ZDHHC14: variants seen among roughly 807,000 people sequenced by gnomAD.
The protein encoded by ZDHHC14 is zDHHC palmitoyltransferase 14, also known as palmitoyltransferase ZDHHC14.
ZDHHC14 carries 16 observed loss-of-function variants against 47.7 expected under a neutral mutation model. The observed-to-expected ratio is 0.34, with a 90% CI of 0.23 to 0.51. The LOEUF (loss-of-function observed/expected upper bound fraction) is 0.51. ZDHHC14 is among the 20% of genes least tolerant of loss of function. ZDHHC14 has a pLI of 0.97. For missense variants in ZDHHC14, 515 were observed against 662.5 expected, an observed-to-expected ratio of 0.78 and a Z score of 2.44; for synonymous variants, 293 against 278.9, an observed-to-expected ratio of 1.05 and a Z score of -0.50.
intron 3 of ZDHHC14, among the ~76,000 whole-genome samples, chr6:157,604,447 G>A (rs931573226): frequency 2.6e-5 from 4 of 152,176 alleles, no homozygotes; most frequent in African/African-American, 4.8e-5. Context: ...CCTTGGATAC[G>A]GAGGGATGAC....
At chr6:157,454,726 T>C (rs1314144482) in intron 1 of ZDHHC14, among the ~76,000 whole-genome samples, 2 of 152,142 alleles carry the variant, frequency 1.3e-5, no homozygotes, top group Non-Finnish European at 2.9e-5. Context: ...ATATAAATGC[T>C]CTAATTTTTC....
In ZDHHC14 at chr6:157,523,494, A is replaced by T. The variant is rs143762933; in HGVS notation, c.246-19091A>T. On this transcript the variant is annotated intron_variant, in intron 1 of 8. Transcript: ENST00000359775. ...CTGCTTTGCAAACTCCACCACACAG[A>T]CTTGCGGATTTCTTCTTTCTTTATG... Among the ~76,000 whole-genome samples the T allele has an allele frequency of 3.5e-3, 535 of 152,272 alleles. 1 individual carries two copies. The highest frequency in any genetic ancestry group is 5.8e-3 in the Non-Finnish European group (397 of 68,016).
intron 5 of ZDHHC14, among the ~76,000 whole-genome samples, chr6:157,642,293 G>GT (rs1296328055): frequency 7.2e-5 from 11 of 152,048 alleles, no homozygotes; most frequent in Non-Finnish European, 1.3e-4. Context: ...CTTCCCTTAC[G>GT]TACCTTCCTG....
Position 157,677,814 on chromosome 6 carries a change from G to C in ZDHHC14, c.*4692G>C, listed in dbSNP as rs1778993973. ...CATGTCCAAGGAGACATGCTTTCTG[G>C]GTTCTATATGAATAGAGATGGTTTT... On this transcript the variant is annotated 3_prime_UTR_variant, in exon 9 of 9. Transcript: ENST00000359775. 6.6e-6 allele frequency: 1 copy of C among 151,034 alleles called. No individual in the cohort carries two copies. Among genetic ancestry groups the C allele is most frequent in the African/African-American group, 2.4e-5 (1 of 40,926 alleles). 9.4% of individuals were successfully genotyped at this position (151,034 alleles called of 1,614,324 possible).
At chr6:157,662,301 A>AC (rs201091571) in intron 8 of ZDHHC14, among the ~76,000 whole-genome samples, 3,094 of 151,778 alleles carry the variant, frequency 0.02, 51 homozygotes, top group Non-Finnish European at 0.03. Context: ...CCTGCCTCAG[A>AC]CCCCCACATG....
At chr6:157,603,656 T>G (rs1280356020) in intron 3 of ZDHHC14, among the ~76,000 whole-genome samples, 2 of 152,176 alleles carry the variant, frequency 1.3e-5, no homozygotes, top group Non-Finnish European at 2.9e-5. Flanking sequence ...GCAGCATTTC[T>G]TTTTCTCGTG....
At chr6:157,652,298 AG>A (rs1159226839) in intron 7 of ZDHHC14, among the ~76,000 whole-genome samples, 1 of 152,174 alleles carries the variant, frequency 6.6e-6, no homozygotes, top group East Asian at 1.9e-4. Context: ...ACTGACACGT[AG>A]GAGGCCCTGC....
intron 1 of ZDHHC14, among the ~76,000 whole-genome samples, chr6:157,492,833 G>A (rs927746622): frequency 6.6e-6 from 1 of 152,170 alleles, no homozygotes; most frequent in Non-Finnish European, 1.5e-5. Context: ...CAGATGGGAG[G>A]AGGGGTGCTT....
intron 3 of ZDHHC14, among the ~76,000 whole-genome samples, chr6:157,606,267 C>T (rs1370836815): frequency 3.9e-5 from 6 of 152,006 alleles, no homozygotes; most frequent in African/African-American, 1.4e-4. Context: ...GAGTTTGAGA[C>T]TAGCCATGGC....
At chr6:157,392,352 G>T (rs1043873947) in intron 1 of ZDHHC14, among the ~76,000 whole-genome samples, 1 of 152,038 alleles carries the variant, frequency 6.6e-6, no homozygotes, top group African/African-American at 2.4e-5. Flanking sequence ...GATTTTAAAA[G>T]AAAGTTAATT....
At chr6:157,488,817 C>T (rs909512821) in intron 1 of ZDHHC14, among the ~76,000 whole-genome samples, 3 of 152,228 alleles carry the variant, frequency 2.0e-5, no homozygotes, top group Non-Finnish European at 4.4e-5. Flanking sequence ...ATCTGCCAGG[C>T]GCAGGGCACC....
intron 7 of ZDHHC14, among the ~76,000 whole-genome samples, chr6:157,650,896 T>G (rs551352221): frequency 2.4e-4 from 36 of 152,184 alleles, no homozygotes; most frequent in African/African-American, 7.2e-4. Flanking sequence ...AGGGGGTCGG[T>G]GCTTTTGGTC....
At chr6:157,492,726 A>G (rs1338958855) in intron 1 of ZDHHC14, among the ~76,000 whole-genome samples, 2 of 152,206 alleles carry the variant, frequency 1.3e-5, no homozygotes, top group African/African-American at 4.8e-5. Flanking sequence ...TGGGACAGGT[A>G]GGTGCTGAGA....
intron 1 of ZDHHC14, among the ~76,000 whole-genome samples, chr6:157,430,432 G>A (rs1464725714): frequency 6.6e-6 from 1 of 151,970 alleles, no homozygotes; most frequent in Non-Finnish European, 1.5e-5. Context: ...CTTCCTGGAG[G>A]CCCCAGAGAG....
chr6:157,573,962 G>A (rs1056166350), intron 2 of ZDHHC14, among the ~76,000 whole-genome samples: 3 of 150,328 alleles, frequency 2.0e-5, no homozygotes, highest in South Asian at 2.1e-4. Context: ...CCTCGGGGTC[G>A]GGGGGGAAGT....
rs567177867 is a variant in ZDHHC14 at position 157,555,638 on chromosome 6, CT to C, written c.406+12894del. 3.3e-5 allele frequency among the ~76,000 whole-genome samples: 5 copies of C among 152,172 alleles called. No homozygotes were observed. The South Asian group carries it at 1.0e-3, about 32-fold the overall frequency. ...AGGGCTAGCACGCACAGTGCAACCC[CT>C]GATAGCTTCTTTTTTTTAAACAGAG... On this transcript the variant is annotated intron_variant, in intron 2 of 8. Coordinates refer to ENST00000359775, the MANE Select transcript of ZDHHC14 (RefSeq NM_024630.3).
At position 157,673,529 on chromosome 6, in the gene ZDHHC14, T is replaced by TAA. The variant is rs376797747; in HGVS notation, c.*420_*421dup. ...CAGACCTGCCATTCCATTTGTTAAT[T>TAA]AAAAAAAAAAAAAATCCTAAAGGGA... On this transcript the variant is annotated 3_prime_UTR_variant, in exon 9 of 9. Coordinates refer to ENST00000359775, the MANE Select transcript of ZDHHC14 (RefSeq NM_024630.3). This position sits in a 1 kb window ranked among gnomAD's most constrained non-coding sequence, Gnocchi z 5.4. The TAA allele has an allele frequency of 4.9e-4, 76 of 154,056 alleles. No homozygotes were observed. Among genetic ancestry groups the TAA allele is most frequent in the African/African-American group, 1.9e-3 (74 of 39,776 alleles). 9.5% of individuals were successfully genotyped at this position (154,056 alleles called of 1,614,324 possible).
At chr6:157,416,071 C>T (rs551550501) in intron 1 of ZDHHC14, among the ~76,000 whole-genome samples, 6 of 152,258 alleles carry the variant, frequency 3.9e-5, no homozygotes, top group African/African-American at 1.2e-4. Flanking sequence ...CCAAGCATCA[C>T]GGGCAACTCT....
chr6:157,579,200 T>G (rs1461411120), intron 2 of ZDHHC14, among the ~76,000 whole-genome samples: 8 of 124,880 alleles, frequency 6.4e-5, no homozygotes, highest in Admixed American at 3.9e-4. Flanking sequence ...GTTTTTTTTT[T>G]TTTTTTTTTT....
Sources: allele counts gnomAD v4.1 joint callset (sites outside exome capture counted in the v4.1 genomes callset), GRCh38; gene constraint gnomAD v4.1.1; non-coding constraint Gnocchi (gnomAD v3.1); transcripts MANE v1.5; gene names NCBI Gene and HGNC (gene_info 2026-07-23, HGNC 2026-07-21).